MYCBP2: variants seen among roughly 807,000 people sequenced by gnomAD.
MYCBP2 encodes E3 ubiquitin-protein ligase MYCBP2.
In MYCBP2, 120 loss-of-function variants were observed where a neutral mutation model predicts 525.3. The observed-to-expected ratio is 0.23, with a 90% CI of 0.20 to 0.27. The LOEUF is 0.27. Ranked by LOEUF, MYCBP2 falls within the 10% of genes least tolerant of loss-of-function variation. MYCBP2 has a pLI of 1.00. For missense variants in MYCBP2, 4,149 were observed against 5,657.1 expected (o/e 0.73, Z 8.55); for synonymous variants, 1,894 against 1,955.8 (o/e 0.97, Z 0.83).
At chr13:77,145,420 G>A (rs538813740) in intron 48 of MYCBP2, among the ~76,000 whole-genome samples, 34 of 152,182 alleles carry the variant, frequency 2.2e-4, no homozygotes, top group African/African-American at 7.5e-4. Flanking sequence ...TTTAAGGAAT[G>A]CCCCAGGATT....
At chr13:77,050,295 G>A (rs933817132) in intron 82 of MYCBP2, among the ~76,000 whole-genome samples, 1 of 151,932 alleles carries the variant, frequency 6.6e-6, no homozygotes, top group Admixed American at 6.6e-5. Context: ...TTGACAACAC[G>A]GTATATTGTG....
intron 52 of MYCBP2, chr13:77,129,074 G>A (rs773549387): frequency 2.9e-4 from 114 of 394,886 alleles, no homozygotes; most frequent in Non-Finnish European, 4.4e-4. Flanking sequence ...TTAATCTTAA[G>A]CAAAGGTTTT....
chr13:77,202,998 C>T (rs943655266), intron 26 of MYCBP2, among the ~76,000 whole-genome samples: 2 of 151,400 alleles, frequency 1.3e-5, no homozygotes, highest in Admixed American at 1.3e-4. Context: ...ACAGGGATGC[C>T]CTCTCTCACC....
At chr13:77,108,663 A>G (rs2154141816) in intron 55 of MYCBP2, among the ~76,000 whole-genome samples, 1 of 152,096 alleles carries the variant, frequency 6.6e-6, no homozygotes, top group South Asian at 2.1e-4. Context: ...GACAGCTAAA[A>G]CCTAAACCAA....
chr13:77,231,969 A>G (rs1305843582), intron 18 of MYCBP2, among the ~76,000 whole-genome samples: 3 of 152,262 alleles, frequency 2.0e-5, no homozygotes, highest in African/African-American at 7.2e-5. Flanking sequence ...GCACTCAGTA[A>G]ATAAAGTAAT....
At chr13:77,234,927 T>C (rs777685930) in intron 17 of MYCBP2, among the ~76,000 whole-genome samples, 7 of 152,060 alleles carry the variant, frequency 4.6e-5, no homozygotes, top group Non-Finnish European at 1.0e-4. Flanking sequence ...CACACCCGTT[T>C]AATGTCTTGC....
intron 49 of MYCBP2, among the ~76,000 whole-genome samples, chr13:77,143,235 T>C (rs1046760833): frequency 5.3e-5 from 8 of 152,226 alleles, no homozygotes; most frequent in African/African-American, 1.9e-4. Context: ...CTTTTGCGTC[T>C]GTGAGGGTGT....
At chr13:77,227,796 C>T (rs2066507516) in intron 18 of MYCBP2, among the ~76,000 whole-genome samples, 1 of 152,056 alleles carries the variant, frequency 6.6e-6, no homozygotes, top group South Asian at 2.1e-4. Context: ...ATAAATCCCA[C>T]AATAGAGACA....
At chr13:77,317,394 T>G (rs1303360836) in intron 1 of MYCBP2, among the ~76,000 whole-genome samples, 1 of 152,206 alleles carries the variant, frequency 6.6e-6, no homozygotes, top group Non-Finnish European at 1.5e-5. Context: ...CCATCAGAGC[T>G]ATGGAGATGG....
At chr13:77,053,230 A>G (rs1217976532) in intron 80 of MYCBP2, among the ~76,000 whole-genome samples, 1 of 152,214 alleles carries the variant, frequency 6.6e-6, no homozygotes, top group African/African-American at 2.4e-5. Flanking sequence ...ACAGTTTCCA[A>G]TACAGACACT....
At chr13:77,254,928 A>G (rs2154332559) in intron 14 of MYCBP2, among the ~76,000 whole-genome samples, 1 of 152,110 alleles carries the variant, frequency 6.6e-6, no homozygotes, top group South Asian at 2.1e-4. Flanking sequence ...AAATAACAAT[A>G]TTTCATTCTT....
chr13:77,213,878 T>C (rs2064401230), intron 21 of MYCBP2, among the ~76,000 whole-genome samples: 1 of 152,184 alleles, frequency 6.6e-6, no homozygotes, highest in African/African-American at 2.4e-5. Flanking sequence ...ATCTCTATGT[T>C]TCCTGTAAGC....
At chr13:77,253,943 G>C (rs1257832481) in intron 14 of MYCBP2, among the ~76,000 whole-genome samples, 1 of 151,826 alleles carries the variant, frequency 6.6e-6, no homozygotes, top group Non-Finnish European at 1.5e-5. Flanking sequence ...CATTTATAAA[G>C]GAGGTTTTAA....
chr13:77,136,462 C>T (rs2053779895), intron 52 of MYCBP2, among the ~76,000 whole-genome samples: 1 of 152,114 alleles, frequency 6.6e-6, no homozygotes. Context: ...GGTCTGAGTC[C>T]ACATTCCCAG....
At chr13:77,122,205 G>A (rs1272402573) in intron 54 of MYCBP2, among the ~76,000 whole-genome samples, 2 of 151,944 alleles carry the variant, frequency 1.3e-5, no homozygotes, top group Non-Finnish European at 2.9e-5. Context: ...CCAAGACTCT[G>A]TCTGATATAA....
intron 14 of MYCBP2, among the ~76,000 whole-genome samples, chr13:77,255,311 C>T (rs1382074387): frequency 6.6e-6 from 1 of 151,912 alleles, no homozygotes; most frequent in African/African-American, 2.4e-5. Context: ...CTGTATGTGT[C>T]TTACTTTACT....
intron 4 of MYCBP2, among the ~76,000 whole-genome samples, chr13:77,278,058 C>A (rs2075819828): frequency 6.6e-6 from 1 of 152,126 alleles, no homozygotes; most frequent in South Asian, 2.1e-4. Flanking sequence ...ACTTTATTTA[C>A]TTAATGAAAG....
intron 54 of MYCBP2, among the ~76,000 whole-genome samples, chr13:77,123,391 GA>G (rs1329031315): frequency 9.2e-5 from 14 of 152,140 alleles, no homozygotes; most frequent in African/African-American, 2.9e-4. Context: ...TCTAATTTAA[GA>G]GGCATTTTAT....
chr13:77,081,638 A>G lies in MYCBP2; in HGVS notation c.11207T>C (p.Val3736Ala), dbSNP rs2043320008. The G allele has an allele frequency of 6.2e-7, 1 of 1,609,806 alleles. No homozygotes were observed. The highest frequency in any genetic ancestry group is 8.5e-7 in the Non-Finnish European group (1 of 1,178,232). Residue 3736 changes from valine to alanine, a missense_variant, in exon 65 of 83, where the codon GTA becomes GCA. Transcript: ENST00000544440. The surrounding 1 kb of genome is among the most constrained non-coding windows in gnomAD (Gnocchi z 4.6). The stretch of plus-strand genomic sequence containing the variant: ...GCTGGTTAAGTCCTTTAAGCACATT[A>G]CTATGCATAATTCCTATCAGAAACA... ...FEAMSQELCI[V>A]MCLKDLTSIV...
Sources: gnomAD v4.1 joint callset for allele counts (sites outside exome capture counted in the v4.1 genomes callset) on GRCh38, gnomAD v4.1.1 for gene constraint, Gnocchi (gnomAD v3.1) non-coding constraint, MANE v1.5 for transcripts, NCBI Gene and HGNC (gene_info 2026-07-23, HGNC 2026-07-21) for gene names.